The following MSRB3 variants were observed in gnomAD, a reference collection of about 807,000 sequenced individuals.
MSRB3 encodes the protein methionine sulfoxide reductase B3, also known as methionine-R-sulfoxide reductase B3.
Under a neutral mutation model 21.0 loss-of-function variants are expected in MSRB3, and 13 were observed. The observed-to-expected ratio is 0.62, with a 90% CI of 0.40 to 0.98. The LOEUF (loss-of-function observed/expected upper bound fraction) is 0.98, where lower values mean the gene tolerates loss of function less well. MSRB3 is among the 50% of genes least tolerant of loss of function. The pLI is 0.00. For synonymous variants in MSRB3, 87 were observed against 88.6 expected (o/e 0.98, Z 0.10); for missense variants, 199 against 230.3 (o/e 0.86, Z 0.88).
chr12:65,289,963 G>A (rs1872582445), intron 1 of MSRB3, among the ~76,000 whole-genome samples: 1 of 152,094 alleles, frequency 6.6e-6, no homozygotes, highest in Non-Finnish European at 1.5e-5. Flanking sequence ...CTATATTGGT[G>A]TATATAACTC....
intron 5 of MSRB3, among the ~76,000 whole-genome samples, chr12:65,390,904 G>GTA (rs1467282963): frequency 5.3e-5 from 8 of 152,080 alleles, no homozygotes; most frequent in Admixed American, 5.2e-4. Flanking sequence ...AATATAAAAG[G>GTA]TATATATATT....
At chr12:65,441,414 T>TTAA (rs1437994355) in intron 5 of MSRB3, among the ~76,000 whole-genome samples, 1 of 152,000 alleles carries the variant, frequency 6.6e-6, no homozygotes, top group African/African-American at 2.4e-5. Context: ...TCAACAAATA[T>TTAA]TAATAAGTTA....
intron 4 of MSRB3, among the ~76,000 whole-genome samples, chr12:65,343,144 C>T (rs1030341774): frequency 6.6e-6 from 1 of 151,924 alleles, no homozygotes; most frequent in African/African-American, 2.4e-5. Context: ...TTATCTTTTC[C>T]CAATAATAAT....
rs763435173 is a variant in MSRB3, at chr12:65,368,985, T to C, written c.264-13T>C. On this transcript the variant is annotated splice_polypyrimidine_tract_variant and intron_variant, in intron 4 of 6. Coordinates refer to ENST00000308259, the MANE Select transcript of MSRB3 (RefSeq NM_001031679.3). ...CAGTTTTTATATTGTAAAAACTTTCTTTCTCTTTGCAGGTCAGAAACCAAA... is the reference window on the plus strand; with the variant it reads ...CAGTTTTTATATTGTAAAAACTTTCCTTCTCTTTGCAGGTCAGAAACCAAA... 55 of 1,511,184 alleles carry C rather than the reference T, an allele frequency of 3.6e-5. No individual in the cohort carries two copies. The highest frequency in any genetic ancestry group is 4.9e-5 in the Non-Finnish European group (54 of 1,105,870). The allele number at this position is 1,511,184 out of a possible 1,614,324, so 93.6% of individuals were successfully genotyped here.
chr12:65,441,923 A>G (rs1882400253), intron 5 of MSRB3, among the ~76,000 whole-genome samples: 1 of 152,056 alleles, frequency 6.6e-6, no homozygotes, highest in Non-Finnish European at 1.5e-5. Context: ...TGTCATATAA[A>G]CAATTCTAAG....
At chr12:65,334,376 C>T (rs1327468078) in intron 4 of MSRB3, among the ~76,000 whole-genome samples, 1 of 151,750 alleles carries the variant, frequency 6.6e-6, no homozygotes, top group East Asian at 1.9e-4. Flanking sequence ...GATCACACAG[C>T]CAGTATACAA....
chr12:65,420,120 G>A (rs1881210269), intron 5 of MSRB3: 7 of 398,026 alleles, frequency 1.8e-5, no homozygotes, highest in South Asian at 4.3e-5. Context: ...TTATTCTTCT[G>A]AATGTGGATA....
At chr12:65,401,454 TTTGC>T (rs1358235422) in intron 5 of MSRB3, among the ~76,000 whole-genome samples, 4 of 152,218 alleles carry the variant, frequency 2.6e-5, no homozygotes, top group African/African-American at 9.6e-5. Context: ...TTGCTTTCCA[TTTGC>T]TTGGTAAATC....
At chr12:65,449,252 T>G (rs1429130343) in intron 5 of MSRB3, among the ~76,000 whole-genome samples, 3 of 150,412 alleles carry the variant, frequency 2.0e-5, no homozygotes, top group Non-Finnish European at 1.5e-5. Context: ...TTAGCCAGGA[T>G]GGTCTTGACC....
At chr12:65,422,422 ATATATATATTTATT>A (rs1319730815) in intron 5 of MSRB3, among the ~76,000 whole-genome samples, 12 of 78,898 alleles carry the variant, frequency 1.5e-4, no homozygotes, top group Non-Finnish European at 2.1e-4. Flanking sequence ...ATATATATAT[ATATATATATTTATT>A]TATTTATTTA....
At chr12:65,396,122 C>T (rs1428991670) in intron 5 of MSRB3, among the ~76,000 whole-genome samples, 2 of 152,136 alleles carry the variant, frequency 1.3e-5, no homozygotes, top group East Asian at 1.9e-4. Flanking sequence ...CTTCTTTTCT[C>T]ATAAATGTAT....
intron 4 of MSRB3, among the ~76,000 whole-genome samples, chr12:65,331,197 A>G (rs1013086089): frequency 6.6e-6 from 1 of 152,236 alleles, no homozygotes; most frequent in Admixed American, 6.5e-5. Context: ...ATGAGGAAGC[A>G]TGTATCAGTC....
chr12:65,372,776 G>T (rs534188897), intron 5 of MSRB3, among the ~76,000 whole-genome samples: 1 of 152,186 alleles, frequency 6.6e-6, no homozygotes, highest in East Asian at 1.9e-4. Flanking sequence ...TGCATGATAG[G>T]CTATATAAAC....
At chr12:65,321,923 T>A (rs996961843) in intron 2 of MSRB3, among the ~76,000 whole-genome samples, 14 of 152,184 alleles carry the variant, frequency 9.2e-5, no homozygotes, top group African/African-American at 3.1e-4. Context: ...CAAGACATTC[T>A]TATCTCTTAT....
At chr12:65,453,162 TAA>T (rs1882932878) in intron 5 of MSRB3, among the ~76,000 whole-genome samples, 1 of 152,180 alleles carries the variant, frequency 6.6e-6, no homozygotes, top group South Asian at 2.1e-4. Flanking sequence ...TTCTTGCCCA[TAA>T]AAATAGATAG....
intron 4 of MSRB3, among the ~76,000 whole-genome samples, chr12:65,340,902 A>G (rs1008293017): frequency 1.3e-5 from 2 of 152,280 alleles, no homozygotes; most frequent in Middle Eastern, 3.4e-3. Flanking sequence ...AGACCTGAAT[A>G]GACCAGCAAC....
rs541563308 is a variant in MSRB3, at chr12:65,300,776, G to A, written c.-51-7753G>A. On this transcript the variant is annotated intron_variant, in intron 1 of 6. Transcript: ENST00000308259. ...TCCTTATCCCAGAATTGTGATTAATGGAGCAGCCACCATCTAATTATAGAA... is the reference window on the plus strand; with the variant it reads ...TCCTTATCCCAGAATTGTGATTAATAGAGCAGCCACCATCTAATTATAGAA... 3.3e-5 allele frequency among the ~76,000 whole-genome samples: 5 copies of A among 152,282 alleles called. No individual in the cohort carries two copies. The South Asian group carries it at 1.0e-3, about 32-fold the overall frequency.
At chr12:65,408,442 G>A (rs1244963358) in intron 5 of MSRB3, among the ~76,000 whole-genome samples, 2 of 152,178 alleles carry the variant, frequency 1.3e-5, no homozygotes, top group Non-Finnish European at 2.9e-5. Flanking sequence ...AGGAACTGAG[G>A]TAGTAGGCCT....
chr12:65,360,918 C>A (rs1877662312), intron 4 of MSRB3, among the ~76,000 whole-genome samples: 1 of 152,092 alleles, frequency 6.6e-6, no homozygotes, highest in Admixed American at 6.6e-5. Flanking sequence ...GTGTTATTTT[C>A]CATTAGCCTT....
Sources: allele counts gnomAD v4.1 joint callset (sites outside exome capture counted in the v4.1 genomes callset), GRCh38; gene constraint gnomAD v4.1.1; transcripts MANE v1.5; gene names NCBI Gene and HGNC (gene_info 2026-07-23, HGNC 2026-07-21).